Variants in NCOR1 observed in about 807,000 individuals in gnomAD.
NCOR1 encodes nuclear receptor corepressor 1.
Under a neutral mutation model 288.1 loss-of-function variants are expected in NCOR1, and 63 were observed. The observed-to-expected ratio is 0.22, with a 90% CI of 0.18 to 0.27. The LOEUF is 0.27. Ranked by LOEUF, NCOR1 falls within the 10% of genes least tolerant of loss-of-function variation. The pLI is 1.00. For synonymous variants in NCOR1, 1,007 were observed against 1,065.9 expected (o/e 0.94, Z 1.08); for missense variants, 2,397 against 3,019.2 (o/e 0.79, Z 4.83).
chr17:16,181,205 A>ATGTATG (rs1555787614), intron 3 of NCOR1, among the ~76,000 whole-genome samples: 3 of 99,068 alleles, frequency 3.0e-5, no homozygotes, highest in Non-Finnish European at 4.1e-5. Context: ...GTATACATAT[A>ATGTATG]TATGTATGTG....
At chr17:16,167,973 T>C (rs2082348747) in intron 4 of NCOR1, among the ~76,000 whole-genome samples, 2 of 150,164 alleles carry the variant, frequency 1.3e-5, no homozygotes, top group African/African-American at 4.9e-5. Context: ...TTGCAAAACA[T>C]GCACTCTAAC....
At chr17:16,101,219 G>C in intron 20 of NCOR1, 31 bp downstream of exon 20, 1 of 1,541,252 alleles carries the variant, frequency 6.5e-7, no homozygotes, top group Non-Finnish European at 8.7e-7. Flanking sequence ...AGCAGAGTAA[G>C]CACGGGGAGG....
At chr17:16,058,744 T>C (rs2060212552) in intron 37 of NCOR1, 145 bp from the exon 38 acceptor site, 1 of 850,064 alleles carries the variant, frequency 1.2e-6, no homozygotes, top group Non-Finnish European at 1.7e-6. Context: ...TGAAGTTTTA[T>C]GGGCTTTAAG....
At chr17:16,146,328 A>G in intron 10 of NCOR1, 48 bp downstream of exon 10, 1 of 1,516,642 alleles carries the variant, frequency 6.6e-7, no homozygotes, top group South Asian at 1.3e-5. Context: ...AAGAAACAAT[A>G]AATATTTGAA....
At chr17:16,095,456 C>T (rs1271045573) in intron 21 of NCOR1, among the ~76,000 whole-genome samples, 4 of 146,966 alleles carry the variant, frequency 2.7e-5, no homozygotes, top group Non-Finnish European at 4.6e-5. Flanking sequence ...GTCAGCCCCC[C>T]GCCCGGCCAG....
chr17:16,096,148 C>G (rs1158929708), intron 21 of NCOR1, among the ~76,000 whole-genome samples: 1 of 152,118 alleles, frequency 6.6e-6, no homozygotes, highest in Non-Finnish European at 1.5e-5. Context: ...TGAGAGTCAT[C>G]ACCACTCCCC....
rs1555813660 is a variant in NCOR1, at chr17:16,199,210, A to ACACACACACACACACAC, written c.-70-4572_-70-4571insGTGTGTGTGTGTGTGTG. On this transcript the variant is annotated intron_variant, in intron 1 of 45. Transcript: ENST00000268712. The stretch of plus-strand genomic sequence containing the variant: ...TATCCGCCCAATACAGAAGGAAAAA[A>ACACACACACACACACAC]AAAAAAACACACACACACACACACA... Among the ~76,000 whole-genome samples, 755 of 109,180 alleles carry ACACACACACACACACAC rather than the reference A, an allele frequency of 6.9e-3. 7 individuals are homozygous for ACACACACACACACACAC. The highest frequency in any genetic ancestry group is 0.026 in the African/African-American group (723 of 27,762). The allele number at this position is 109,180 out of a possible 152,430, so 71.6% of individuals were successfully genotyped here. A position where few individuals can be genotyped will look rare whatever the true frequency, so the allele number is the denominator to read the frequency against.
Position 16,105,359 on chromosome 17 carries a change from G to C in NCOR1, c.2182+3427C>G, listed in dbSNP as rs184707568. ...TTGAGCCTGGGAGTTTGAGGCTGCAGTGAGCCACGATCGAGCCACTGCACT... is the reference window on the plus strand; with the variant it reads ...TTGAGCCTGGGAGTTTGAGGCTGCACTGAGCCACGATCGAGCCACTGCACT... On this transcript the variant is annotated intron_variant, in intron 19 of 45. Coordinates refer to ENST00000268712, the MANE Select transcript of NCOR1 (RefSeq NM_006311.4). 1.4e-4 allele frequency among the ~76,000 whole-genome samples: 21 copies of C among 152,190 alleles called. No individual in the cohort carries two copies. The East Asian group carries it at 4.1e-3, about 29-fold the overall frequency.
At chr17:16,176,331 C>T (rs968785413) in intron 3 of NCOR1, among the ~76,000 whole-genome samples, 4 of 152,104 alleles carry the variant, frequency 2.6e-5, no homozygotes, top group African/African-American at 7.2e-5. Context: ...TACAGTGGTG[C>T]GATCTCGCCT....
chr17:16,066,062 C>G (rs549259387), intron 32 of NCOR1, among the ~76,000 whole-genome samples: 1 of 152,048 alleles, frequency 6.6e-6, no homozygotes, highest in Non-Finnish European at 1.5e-5. Flanking sequence ...GAAATGTATA[C>G]GAAAATACTT....
rs1971948542 is a variant in NCOR1, at chr17:16,031,333, A to G, written c.*963T>C. 5.3e-6 allele frequency: 1 copy of G among 189,612 alleles called. No homozygotes were observed. The highest frequency in any genetic ancestry group is 1.1e-5 in the Non-Finnish European group (1 of 90,248). The allele number at this position is 189,612 out of a possible 1,614,324, so 11.7% of individuals were successfully genotyped here. Reference sequence around the variant, plus strand: ...ACCAATCATATATTCAAACTAAGGGAAAAATATGTAAGCTTTTCCTTTGGA... The same window carrying G: ...ACCAATCATATATTCAAACTAAGGGGAAAATATGTAAGCTTTTCCTTTGGA... On this transcript the variant is annotated 3_prime_UTR_variant, in exon 46 of 46. Transcript: ENST00000268712.
chr17:16,086,602 C>G (rs2064268245), intron 22 of NCOR1, among the ~76,000 whole-genome samples, 160 bp from the exon 23 acceptor site: 1 of 152,166 alleles, frequency 6.6e-6, no homozygotes, highest in Admixed American at 6.5e-5. Flanking sequence ...TTCACGTAAG[C>G]CTGTATACAT....
At chr17:16,169,347 C>T (rs2082674981) in intron 4 of NCOR1, among the ~76,000 whole-genome samples, 1 of 151,990 alleles carries the variant, frequency 6.6e-6, no homozygotes, top group Non-Finnish European at 1.5e-5. Flanking sequence ...AGGGAAGAAT[C>T]AACATGAAAA....
chr17:16,080,420 C>A lies in NCOR1; in HGVS notation c.3388G>T (p.Gly1130Cys). The change falls in exon 25 of 46, where the codon GGT (glycine) becomes TGT (cysteine). Residue 1130 changes from glycine to cysteine, a missense_variant. Physicochemically the swap from Gly to Cys is radical, Grantham distance 159. Transcript: ENST00000268712. ...EGLLVRAQHE[G>C]VVRGTAGAIQ... ...CAGCATATTTTACCTCTGACTACAC[C>A]TTCATGTTGGGCCCTGACCAACAGA... The A allele has an allele frequency of 6.2e-7, 1 of 1,613,676 alleles. No individual in the cohort carries two copies. Among genetic ancestry groups the A allele is most frequent in the Non-Finnish European group, 8.5e-7 (1 of 1,179,682 alleles).
chr17:16,139,190 G>C lies in NCOR1; in HGVS notation c.1174-4C>G. The C allele has an allele frequency of 6.2e-7, 1 of 1,600,962 alleles. No individual in the cohort carries two copies. The highest frequency in any genetic ancestry group is 8.5e-7 in the Non-Finnish European group (1 of 1,175,110). On this transcript the variant is annotated splice_polypyrimidine_tract_variant and splice_region_variant and intron_variant, in intron 11 of 45. Transcript: ENST00000268712. ...GCCGCATTTGTTTCTCATTATTCTG[G>C]AAAAAAAATACAATTTACTTAGAAT...
chr17:16,205,706 G>A (rs2153599657), intron 1 of NCOR1, among the ~76,000 whole-genome samples: 1 of 151,360 alleles, frequency 6.6e-6, no homozygotes, highest in East Asian at 1.9e-4. Flanking sequence ...GGGAGGCCAA[G>A]GTGGGTGGAT....
intron 23 of NCOR1, among the ~76,000 whole-genome samples, chr17:16,083,484 A>C (rs1405584276): frequency 2.0e-5 from 3 of 152,170 alleles, no homozygotes; most frequent in Non-Finnish European, 4.4e-5. Flanking sequence ...ACAAGTTCAT[A>C]GATTAGAAGA....
intron 1 of NCOR1, among the ~76,000 whole-genome samples, chr17:16,206,658 T>A (rs535230327): frequency 6.6e-6 from 1 of 152,336 alleles, no homozygotes; most frequent in South Asian, 2.1e-4. Context: ...AGTACTGGGA[T>A]AACAGGCATG....
At chr17:16,140,997 C>CAAAAAAAAAA (rs372397821) in intron 11 of NCOR1, among the ~76,000 whole-genome samples, 8 of 113,752 alleles carry the variant, frequency 7.0e-5, no homozygotes, top group African/African-American at 2.7e-4. Context: ...TCTCCTATCT[C>CAAAAAAAAAA]AAAAAAAAAA....
Sources: allele counts gnomAD v4.1 joint callset (sites outside exome capture counted in the v4.1 genomes callset), GRCh38; gene constraint gnomAD v4.1.1; transcripts MANE v1.5; gene names NCBI Gene and HGNC (gene_info 2026-07-23, HGNC 2026-07-21).